The following PRKACA variants were observed in gnomAD, a reference collection of about 807,000 sequenced individuals.
PRKACA encodes protein kinase cAMP-activated catalytic subunit alpha.
Under a neutral mutation model 45.8 loss-of-function variants are expected in PRKACA, and 9 were observed. The observed-to-expected ratio is 0.20, with a 90% CI of 0.12 to 0.34. The LOEUF (loss-of-function observed/expected upper bound fraction) is 0.34, where lower values mean the gene tolerates loss of function less well. Ranked by LOEUF, PRKACA falls within the 10% of genes least tolerant of loss-of-function variation. The pLI is 1.00. For missense variants in PRKACA, 238 were observed against 458.6 expected (o/e 0.52, Z 4.39); for synonymous variants, 160 against 178.6 (o/e 0.90, Z 0.83).
At chr19:14,095,612 G>A (rs999026993) in intron 8 of PRKACA, among the ~76,000 whole-genome samples, 10 of 151,920 alleles carry the variant, frequency 6.6e-5, no homozygotes, top group African/African-American at 1.7e-4. Context: ...TCTGTCTCCC[G>A]GGTTCAAGCA....
intron 5 of PRKACA, 82 bp downstream of exon 5, chr19:14,100,744 C>T: frequency 1.4e-6 from 2 of 1,402,626 alleles, no homozygotes; most frequent in Non-Finnish European, 2.0e-6. Flanking sequence ...CTGGACTCCT[C>T]TGCATTCCCA....
rs1486348748 is a variant in PRKACA at position 14,097,934 on chromosome 19, C to T, written c.420-44G>A. 6.2e-7 allele frequency: 1 copy of T among 1,609,822 alleles called. No homozygotes were observed. The highest frequency in any genetic ancestry group is 1.7e-5 in the Admixed American group (1 of 59,902). The stretch of plus-strand genomic sequence containing the variant: ...GAGGTGAACGTCAGTGGTCATGCCC[C>T]AAAATGGTCCAGCAGGTGGCCCTGC... On this transcript the variant is annotated intron_variant, in intron 5 of 9. Transcript: ENST00000308677. This position sits in a 1 kb window ranked among gnomAD's most constrained non-coding sequence, Gnocchi z 5.4.
intron 1 of PRKACA, chr19:14,114,127 G>A: frequency 6.2e-7 from 1 of 1,610,700 alleles, no homozygotes; most frequent in East Asian, 2.2e-5. Context: ...ACAGGACTCA[G>A]CCTCACCATC....
In PRKACA at chr19:14,092,098, T is replaced by A. The variant is rs1977092589; in HGVS notation, c.*1014A>T. ...CGTGGCTTGGGGGGACTTGGCCTCT[T>A]CTGTTCCCTTTTGCAGGGATGCCCT... On this transcript the variant is annotated 3_prime_UTR_variant, in exon 10 of 10. Transcript: ENST00000308677. The A allele has an allele frequency of 6.6e-6, 1 of 152,332 alleles. No homozygotes were observed. Among genetic ancestry groups the A allele is most frequent in the Admixed American group, 6.5e-5 (1 of 15,288 alleles). The allele number at this position is 152,332 out of a possible 1,614,324, so 9.4% of individuals were successfully genotyped here. A position where few individuals can be genotyped will look rare whatever the true frequency, so the allele number is the denominator to read the frequency against.
At chr19:14,100,790 C>T (rs1395815442) in intron 5 of PRKACA, 36 bp downstream of exon 5, 2 of 1,605,246 alleles carry the variant, frequency 1.2e-6, no homozygotes, top group Non-Finnish European at 1.7e-6. Context: ...TGTGGACACC[C>T]TGACAGCCTG....
intron 3 of PRKACA, among the ~76,000 whole-genome samples, chr19:14,103,881 T>G (rs1977518936): frequency 6.6e-6 from 1 of 151,262 alleles, no homozygotes; most frequent in Non-Finnish European, 1.5e-5. Flanking sequence ...GCCTGGGCAA[T>G]GTAGCGAGAC....
chr19:14,113,470 C>A (rs1485162833), intron 1 of PRKACA, among the ~76,000 whole-genome samples: 3 of 152,208 alleles, frequency 2.0e-5, no homozygotes, highest in African/African-American at 4.8e-5. Flanking sequence ...CCTTGACACC[C>A]CTTGAAAAGC....
intron 1 of PRKACA, among the ~76,000 whole-genome samples, chr19:14,113,722 C>T (rs1407253686): frequency 6.6e-6 from 1 of 152,144 alleles, no homozygotes; most frequent in Non-Finnish European, 1.5e-5. Flanking sequence ...TGGCTGATTC[C>T]TCCAGTGGAG....
chr19:14,101,626 C>T lies in PRKACA; in HGVS notation c.337-718G>A, dbSNP rs181274211. ...CTGCAATCCCAGCACTTTGGGAGGTCGAGGCAGGCAGATCACCTGAGGTCA... is the reference window on the plus strand; with the variant it reads ...CTGCAATCCCAGCACTTTGGGAGGTTGAGGCAGGCAGATCACCTGAGGTCA... On this transcript the variant is annotated intron_variant, in intron 4 of 9. Transcript: ENST00000308677. 3.9e-3 allele frequency among the ~76,000 whole-genome samples: 587 copies of T among 152,000 alleles called. 6 individuals carry two copies. The highest frequency in any genetic ancestry group is 0.014 in the African/African-American group (564 of 41,430).
In PRKACA at chr19:14,092,426, G is replaced by A; in HGVS notation, c.*686C>T. Reference sequence around the variant, plus strand: ...GCCCAGGGGAGATTAGCAGCGGGGAGGTTCAAACCCCAGCGCCTCCCTTTC... The same window carrying A: ...GCCCAGGGGAGATTAGCAGCGGGGAAGTTCAAACCCCAGCGCCTCCCTTTC... On this transcript the variant is annotated 3_prime_UTR_variant, in exon 10 of 10. Transcript: ENST00000308677. 1 of 390,638 alleles carries A rather than the reference G, an allele frequency of 2.6e-6. No homozygotes were observed. The highest frequency in any genetic ancestry group is 4.5e-6 in the Non-Finnish European group (1 of 221,324). The allele number at this position is 390,638 out of a possible 1,614,324, so 24.2% of individuals were successfully genotyped here. A position where few individuals can be genotyped will look rare whatever the true frequency, so the allele number is the denominator to read the frequency against.
Position 14,097,293 on chromosome 19 carries a change from G to T in PRKACA, c.765+68C>A. ...TCTGACAACAAGCAGGGCTCCCCAG[G>T]GAATAGGATGGGTGAGCAGGGAACG... On this transcript the variant is annotated intron_variant, in intron 8 of 9. Transcript: ENST00000308677. This position sits in a 1 kb window ranked among gnomAD's most constrained non-coding sequence, Gnocchi z 5.4. 1.2e-6 allele frequency: 2 copies of T among 1,606,154 alleles called. No individual in the cohort carries two copies. The highest frequency in any genetic ancestry group is 1.7e-6 in the Non-Finnish European group (2 of 1,173,702).
At position 14,093,058 on chromosome 19, in the gene PRKACA, G is replaced by A. The variant is rs1057217356; in HGVS notation, c.*54C>T. On this transcript the variant is annotated 3_prime_UTR_variant, in exon 10 of 10. Transcript: ENST00000308677. Reference sequence around the variant, plus strand: ...TTCAATCCAACCCTCCCACCCCCCCGACCAAAAAAAAGAAAAAAGAAAAAA... The same window carrying A: ...TTCAATCCAACCCTCCCACCCCCCCAACCAAAAAAAAGAAAAAAGAAAAAA... 49 of 45,970 alleles carry A rather than the reference G, an allele frequency of 1.1e-3. No homozygotes were observed. The highest frequency in any genetic ancestry group is 1.6e-3 in the Non-Finnish European group (40 of 24,940). 2.8% of individuals were successfully genotyped at this position (45,970 alleles called of 1,614,324 possible).
At chr19:14,114,220 G>T (rs997255522) in intron 1 of PRKACA, 2 of 1,583,528 alleles carry the variant, frequency 1.3e-6, no homozygotes, top group Non-Finnish European at 8.6e-7. Context: ...GACCTGCCGT[G>T]TCTGTTCGGC....
intron 2 of PRKACA, 32 bp downstream of exon 2, chr19:14,107,316 C>T (rs1201854674): frequency 2.5e-6 from 4 of 1,601,762 alleles, no homozygotes; most frequent in South Asian, 1.1e-5. Context: ...AGCAGCTCAC[C>T]CCTCCCTGGG....
chr19:14,095,331 C>T (rs576244452), intron 8 of PRKACA, among the ~76,000 whole-genome samples: 2 of 151,840 alleles, frequency 1.3e-5, no homozygotes, highest in African/African-American at 4.8e-5. Context: ...CCACCATATC[C>T]GGCTAATTTT....
intron 1 of PRKACA, chr19:14,114,141 G>A (rs1465072535): frequency 1.2e-6 from 2 of 1,611,568 alleles, no homozygotes; most frequent in Admixed American, 1.7e-5. Context: ...CACCATCGCT[G>A]GAGTTGGAAG....
At chr19:14,093,495 C>A in intron 9 of PRKACA, 133 bp downstream of exon 9, 1 of 1,232,678 alleles carries the variant, frequency 8.1e-7, no homozygotes, top group Non-Finnish European at 1.1e-6. Context: ...CATTTCTAGA[C>A]CCCACTGCTC....
At chr19:14,099,365 T>G (rs568841004) in intron 5 of PRKACA, among the ~76,000 whole-genome samples, 109 of 152,030 alleles carry the variant, frequency 7.2e-4, no homozygotes, top group Non-Finnish European at 1.3e-3. Flanking sequence ...GTTAAAAATT[T>G]TTTTTTTCTT....
chr19:14,106,735 C>T (rs117798403), intron 3 of PRKACA, 25 bp downstream of exon 3: 2 of 1,613,634 alleles, frequency 1.2e-6, no homozygotes, highest in Non-Finnish European at 1.7e-6. Context: ...ACAGGCAGGC[C>T]CTGAGCGAGG....
Sources: gnomAD v4.1 joint callset for allele counts (sites outside exome capture counted in the v4.1 genomes callset) on GRCh38, gnomAD v4.1.1 for gene constraint, Gnocchi (gnomAD v3.1) non-coding constraint, MANE v1.5 for transcripts, NCBI Gene and HGNC (gene_info 2026-07-23, HGNC 2026-07-21) for gene names.